Variants in TAFA5 observed in about 807,000 individuals in gnomAD.
TAFA5 encodes TAFA chemokine like family member 5.
In TAFA5, 6 loss-of-function variants were observed where a neutral mutation model predicts 15.3. The ratio of observed to expected loss-of-function variants is 0.39; its 90% CI spans 0.21 to 0.77. The LOEUF (loss-of-function observed/expected upper bound fraction) is 0.77, where lower values mean the gene tolerates loss of function less well. Among genes scored for constraint, TAFA5 ranks in the 30% least tolerant of loss-of-function variants. The pLI, the probability that TAFA5 is intolerant of heterozygous loss-of-function variation, is 0.41. For synonymous variants in TAFA5, 103 were observed against 80.7 expected (o/e 1.28, Z -1.48); for missense variants, 161 against 193.1 (o/e 0.83, Z 0.98).
At chr22:48,655,608 G>A (rs1927209090) in intron 2 of TAFA5, among the ~76,000 whole-genome samples, 1 of 152,082 alleles carries the variant, frequency 6.6e-6, no homozygotes, top group African/African-American at 2.4e-5. Flanking sequence ...CGGTCAAAGT[G>A]CCCATCTCCC....
intron 1 of TAFA5, among the ~76,000 whole-genome samples, chr22:48,508,911 T>G (rs1421354839): frequency 6.6e-6 from 1 of 152,196 alleles, no homozygotes; most frequent in Non-Finnish European, 1.5e-5. Context: ...GTGCCACAGC[T>G]GATTTCTCCT....
intron 2 of TAFA5, among the ~76,000 whole-genome samples, chr22:48,678,686 G>T (rs1215465551): frequency 6.6e-6 from 1 of 151,504 alleles, no homozygotes; most frequent in Non-Finnish European, 1.5e-5. Flanking sequence ...CTGCGCTCAA[G>T]GAAGGATGCT....
chr22:48,506,904 C>T (rs896563757), intron 1 of TAFA5, among the ~76,000 whole-genome samples: 1 of 152,208 alleles, frequency 6.6e-6, no homozygotes, highest in Non-Finnish European at 1.5e-5. Flanking sequence ...ATGGGACATG[C>T]TGCTGGATTT....
At chr22:48,502,455 A>G (rs924570924) in intron 1 of TAFA5, among the ~76,000 whole-genome samples, 1 of 151,570 alleles carries the variant, frequency 6.6e-6, no homozygotes, top group Non-Finnish European at 1.5e-5. Context: ...TACAGTGTTA[A>G]TGGCTCCAAG....
intron 1 of TAFA5, chr22:48,546,594 T>C (rs1422622386): frequency 2.1e-6 from 1 of 471,014 alleles, no homozygotes; most frequent in Non-Finnish European, 4.4e-6. Context: ...CCAGCGAGCT[T>C]TGGGGAATCC....
intron 2 of TAFA5, among the ~76,000 whole-genome samples, chr22:48,689,192 G>A (rs1161182288): frequency 1.3e-5 from 2 of 152,208 alleles, no homozygotes; most frequent in African/African-American, 2.4e-5. Context: ...AGGGAGGCGC[G>A]GTTTTCAAAA....
intron 1 of TAFA5, among the ~76,000 whole-genome samples, chr22:48,630,227 C>T (rs982580668): frequency 6.6e-6 from 1 of 152,158 alleles, no homozygotes; most frequent in Non-Finnish European, 1.5e-5. Context: ...GCTTGCAGAA[C>T]GCTGCTGGGC....
At position 48,742,921 on chromosome 22, in the gene TAFA5, G is replaced by T. The variant is rs984119168; in HGVS notation, c.391-6918G>T. Among the ~76,000 whole-genome samples the T allele has an allele frequency of 6.6e-6, 1 of 152,290 alleles. No homozygotes were observed. The highest frequency in any genetic ancestry group is 2.1e-4 in the South Asian group (1 of 4,830). ...CCCACACGCGGGGCCCCCACAGTGCGGACATGTTGGGGCAATGCTGCCTGG... is the reference window on the plus strand; with the variant it reads ...CCCACACGCGGGGCCCCCACAGTGCTGACATGTTGGGGCAATGCTGCCTGG... On this transcript the variant is annotated intron_variant, in intron 3 of 3. Transcript: ENST00000402357. This position sits in a 1 kb window ranked among gnomAD's most constrained non-coding sequence, Gnocchi z 6.2.
intron 1 of TAFA5, among the ~76,000 whole-genome samples, chr22:48,520,189 C>T (rs1288576510): frequency 6.6e-6 from 1 of 152,260 alleles, no homozygotes; most frequent in Non-Finnish European, 1.5e-5. Flanking sequence ...AGGAACTGGC[C>T]CTGCCAACAC....
At chr22:48,492,039 A>G (rs1928170879) in intron 1 of TAFA5, among the ~76,000 whole-genome samples, 1 of 152,216 alleles carries the variant, frequency 6.6e-6, no homozygotes, top group Admixed American at 6.5e-5. Flanking sequence ...CCAGAAATGT[A>G]CTTGGAGAAA....
At chr22:48,563,176 T>A (rs6008757) in intron 1 of TAFA5, among the ~76,000 whole-genome samples, 2 of 152,122 alleles carry the variant, frequency 1.3e-5, no homozygotes, top group Non-Finnish European at 2.9e-5. Context: ...AAGAGCCCTG[T>A]GGACAAGTGG....
intron 1 of TAFA5, among the ~76,000 whole-genome samples, chr22:48,527,510 C>T (rs767610048): frequency 5.3e-5 from 8 of 152,198 alleles, no homozygotes; most frequent in East Asian, 1.9e-4. Context: ...TCCCCGTGCA[C>T]GGCCTCCAGA....
At chr22:48,534,283 G>A (rs1029159075) in intron 1 of TAFA5, among the ~76,000 whole-genome samples, 47 of 151,936 alleles carry the variant, frequency 3.1e-4, no homozygotes, top group African/African-American at 1.1e-3. Context: ...AGGCAATTGC[G>A]GTGGGTAAGG....
At chr22:48,632,193 G>A (rs367723757) in intron 1 of TAFA5, among the ~76,000 whole-genome samples, 45 of 152,264 alleles carry the variant, frequency 3.0e-4, no homozygotes, top group East Asian at 1.7e-3. Flanking sequence ...CCCGGCCACC[G>A]TCCTCAACCC....
chr22:48,601,009 A>T (rs1482931154), intron 1 of TAFA5, among the ~76,000 whole-genome samples: 1 of 152,208 alleles, frequency 6.6e-6, no homozygotes, highest in Non-Finnish European at 1.5e-5. Context: ...CACAGAGCTG[A>T]TGCTATCCTT....
At chr22:48,518,096 C>A (rs1481827974) in intron 1 of TAFA5, among the ~76,000 whole-genome samples, 1 of 152,204 alleles carries the variant, frequency 6.6e-6, no homozygotes, top group Non-Finnish European at 1.5e-5. Context: ...GCCCACCAGG[C>A]AGCCCTGCTG....
intron 3 of TAFA5, among the ~76,000 whole-genome samples, chr22:48,715,602 G>A (rs1425635824): frequency 6.6e-6 from 1 of 152,230 alleles, no homozygotes. Context: ...GACCCCATGT[G>A]CTGCCTGGAA....
chr22:48,689,855 G>A (rs1037395665), intron 2 of TAFA5, among the ~76,000 whole-genome samples: 3 of 152,206 alleles, frequency 2.0e-5, no homozygotes, highest in African/African-American at 7.2e-5. Flanking sequence ...GTTGGTGTAA[G>A]TGTCTCTGAG....
chr22:48,556,198 C>T (rs551873359), intron 1 of TAFA5, among the ~76,000 whole-genome samples: 14 of 152,100 alleles, frequency 9.2e-5, no homozygotes, highest in Non-Finnish European at 1.6e-4. Context: ...TGGGGAGGCT[C>T]CCAGGGGACT....
Sources: gnomAD v4.1 joint callset for allele counts (sites outside exome capture counted in the v4.1 genomes callset) on GRCh38, gnomAD v4.1.1 for gene constraint, Gnocchi (gnomAD v3.1) non-coding constraint, MANE v1.5 for transcripts, NCBI Gene and HGNC (gene_info 2026-07-23, HGNC 2026-07-21) for gene names.